Variants in GRIK2 observed in about 807,000 individuals in gnomAD.
GRIK2 encodes the protein glutamate ionotropic receptor kainate type subunit 2, also known as glutamate receptor ionotropic, kainate 2.
A neutral mutation model predicts 100.3 loss-of-function variants in GRIK2; 32 were observed. The ratio of observed to expected loss-of-function variants is 0.32; its 90% CI spans 0.24 to 0.43. GRIK2 has a LOEUF of 0.43. GRIK2 is among the 20% of genes least tolerant of loss of function. The probability of loss-of-function intolerance (pLI) is 1.00; values close to 1 mark genes in which losing one functional copy is unlikely to be tolerated. For synonymous variants in GRIK2, 417 were observed against 389.4 expected, an observed-to-expected ratio of 1.07 and a Z score of -0.83; for missense variants, 843 against 1,114.9, an observed-to-expected ratio of 0.76 and a Z score of 3.47.
intron 14 of GRIK2, among the ~76,000 whole-genome samples, chr6:102,015,695 A>G (rs1450186785): frequency 3.3e-5 from 5 of 152,208 alleles, no homozygotes; most frequent in African/African-American, 9.6e-5. Context: ...GCAAATGAGT[A>G]TGGATCCCAC....
chr6:101,753,444 T>G (rs1288772090), intron 7 of GRIK2, among the ~76,000 whole-genome samples: 1 of 152,100 alleles, frequency 6.6e-6, no homozygotes, highest in African/African-American at 2.4e-5. Flanking sequence ...GAATTTAAAC[T>G]CACAATATAA....
chr6:101,488,770 G>A (rs1772957508), intron 2 of GRIK2, among the ~76,000 whole-genome samples: 1 of 145,342 alleles, frequency 6.9e-6, no homozygotes. Flanking sequence ...AATTTTCAAA[G>A]TTTTTTTTGT....
chr6:101,608,340 G>A (rs1582817130), intron 2 of GRIK2, among the ~76,000 whole-genome samples: 1 of 151,900 alleles, frequency 6.6e-6, no homozygotes, highest in East Asian at 1.9e-4. Flanking sequence ...GGTTTACAAT[G>A]CTATTGTAGA....
At chr6:101,918,899 A>G (rs758306473) in intron 12 of GRIK2, among the ~76,000 whole-genome samples, 34 of 151,784 alleles carry the variant, frequency 2.2e-4, no homozygotes, top group Non-Finnish European at 4.6e-4. Flanking sequence ...AGTAGGTGAT[A>G]AATAGATATT....
At position 101,818,226 on chromosome 6, in the gene GRIK2, T is replaced by C. The variant is rs1781751884; in HGVS notation, c.1204-144T>C. ...CACTTCACAGAGCCGTGAATCATGC[T>C]TTAAACAAGCTGCCTTTACTTTAAC... On this transcript the variant is annotated intron_variant, in intron 9 of 16. Transcript: ENST00000369134. 5.1e-6 allele frequency: 3 copies of C among 587,992 alleles called. No homozygotes were observed. The Admixed American group carries it at 9.6e-5, about 19-fold the overall frequency. The allele number at this position is 587,992 out of a possible 1,614,324, so 36.4% of individuals were successfully genotyped here. A position where few individuals can be genotyped will look rare whatever the true frequency, so the allele number is the denominator to read the frequency against.
At chr6:101,759,988 G>A (rs1777399879) in intron 7 of GRIK2, among the ~76,000 whole-genome samples, 1 of 127,900 alleles carries the variant, frequency 7.8e-6, no homozygotes, top group Admixed American at 7.8e-5. Flanking sequence ...TCCTGCCTCA[G>A]CCTCCCGAGT....
chr6:102,013,969 C>T (rs1795691371), intron 14 of GRIK2, among the ~76,000 whole-genome samples: 1 of 151,948 alleles, frequency 6.6e-6, no homozygotes, highest in South Asian at 2.1e-4. Context: ...GGAGCGCTTC[C>T]TCCTCAATTT....
chr6:101,544,479 T>C (rs1776146140), intron 2 of GRIK2, among the ~76,000 whole-genome samples: 1 of 152,120 alleles, frequency 6.6e-6, no homozygotes, highest in South Asian at 2.1e-4. Context: ...AGTGTGTGAG[T>C]GACTCAATTT....
At chr6:101,514,294 CA>C (rs1204635433) in intron 2 of GRIK2, among the ~76,000 whole-genome samples, 1 of 151,770 alleles carries the variant, frequency 6.6e-6, no homozygotes, top group African/African-American at 2.4e-5. Flanking sequence ...GGAGGAACAC[CA>C]GGGTTCTTGG....
At chr6:101,546,921 C>T (rs1164950130) in intron 2 of GRIK2, among the ~76,000 whole-genome samples, 2 of 145,334 alleles carry the variant, frequency 1.4e-5, no homozygotes, top group African/African-American at 2.5e-5. Context: ...AGCTCCGCCT[C>T]CCGGGTTCAC....
At chr6:101,872,865 T>C (rs34239779) in intron 11 of GRIK2, among the ~76,000 whole-genome samples, 63,765 of 151,672 alleles carry the variant, frequency 0.42, 15,065 homozygotes, top group Middle Eastern at 0.65. Flanking sequence ...TTTTAAATTA[T>C]AGGTTGATAA....
intron 7 of GRIK2, among the ~76,000 whole-genome samples, chr6:101,789,343 A>G (rs1406047053): frequency 2.6e-5 from 4 of 152,166 alleles, no homozygotes; most frequent in African/African-American, 9.7e-5. Context: ...TTTCAGGTCT[A>G]ACATTTAAGT....
chr6:101,897,037 C>G (rs1445552982), intron 12 of GRIK2, among the ~76,000 whole-genome samples: 1 of 150,492 alleles, frequency 6.6e-6, no homozygotes, highest in Non-Finnish European at 1.5e-5. Flanking sequence ...CACACAGACA[C>G]ATACACATGC....
chr6:101,931,294 C>A (rs1169661721), intron 14 of GRIK2, among the ~76,000 whole-genome samples: 1 of 152,066 alleles, frequency 6.6e-6, no homozygotes, highest in African/African-American at 2.4e-5. Flanking sequence ...TTATACAATT[C>A]TTTCATTTTT....
rs115409888 is a variant in GRIK2 at position 101,726,249 on chromosome 6, G to A, written c.951+39896G>A. Among the ~76,000 whole-genome samples the A allele has an allele frequency of 7.8e-3, 1,182 of 152,044 alleles. 21 individuals carry two copies. The highest frequency in any genetic ancestry group is 0.027 in the African/African-American group (1,136 of 41,526). The stretch of plus-strand genomic sequence containing the variant: ...CATTAAAAGTGGTTGTGCTTGCTTA[G>A]CCTCTATGTTTAATAGAAAATCAAG... On this transcript the variant is annotated intron_variant, in intron 7 of 16. Coordinates refer to ENST00000369134, the MANE Select transcript of GRIK2 (RefSeq NM_021956.5).
intron 2 of GRIK2, among the ~76,000 whole-genome samples, chr6:101,452,002 T>A (rs1355654270): frequency 6.6e-6 from 1 of 151,822 alleles, no homozygotes; most frequent in African/African-American, 2.4e-5. Context: ...CATTATGGCT[T>A]TAAATATTTG....
intron 14 of GRIK2, among the ~76,000 whole-genome samples, chr6:102,004,607 C>T (rs1795116785): frequency 6.6e-6 from 1 of 151,894 alleles, no homozygotes; most frequent in Non-Finnish European, 1.5e-5. Context: ...CACAGAGGGT[C>T]AGAAGCAATT....
At chr6:101,798,875 T>A (rs72956342) in intron 7 of GRIK2, among the ~76,000 whole-genome samples, 20 of 152,266 alleles carry the variant, frequency 1.3e-4, no homozygotes, top group Admixed American at 6.6e-4. Flanking sequence ...TTTTTTATCA[T>A]CAACCTCCAA....
intron 14 of GRIK2, among the ~76,000 whole-genome samples, chr6:101,970,585 T>A (rs566830443): frequency 1.7e-4 from 25 of 147,250 alleles, no homozygotes; most frequent in Non-Finnish European, 3.2e-4. Flanking sequence ...CATTGTCATG[T>A]TCTTTAAAGA....
Sources: allele counts gnomAD v4.1 joint callset (sites outside exome capture counted in the v4.1 genomes callset), GRCh38; gene constraint gnomAD v4.1.1; transcripts MANE v1.5; gene names NCBI Gene and HGNC (gene_info 2026-07-23, HGNC 2026-07-21).